The following IQSEC1 variants were observed in gnomAD, a reference collection of about 807,000 sequenced individuals.
IQSEC1 encodes IQ motif and Sec7 domain ArfGEF 1, also known as IQ motif and SEC7 domain-containing protein 1.
Under a neutral mutation model 91.0 loss-of-function variants are expected in IQSEC1, and 31 were observed. That is an observed-to-expected ratio of 0.34 (90% CI 0.26 to 0.46). IQSEC1 has a LOEUF of 0.46. Ranked by LOEUF, IQSEC1 falls within the 20% of genes least tolerant of loss-of-function variation. The probability of loss-of-function intolerance (pLI) is 1.00; values close to 1 mark genes in which losing one functional copy is unlikely to be tolerated. For missense variants in IQSEC1, 1,388 were observed against 1,575.6 expected, an observed-to-expected ratio of 0.88 and a Z score of 2.02; for synonymous variants, 699 against 662.6, an observed-to-expected ratio of 1.05 and a Z score of -0.84.
Position 13,282,285 on chromosome 3 carries a change from C to T in IQSEC1, c.272+426G>A, listed in dbSNP as rs953407885. On this transcript the variant is annotated intron_variant, in intron 1 of 15. Coordinates refer to the IQSEC1 transcript ENST00000648114. This position sits in a 1 kb window ranked among gnomAD's most constrained non-coding sequence, Gnocchi z 6.4. The stretch of plus-strand genomic sequence containing the variant: ...CCCAGGCCCGCTCCAGGGCGGGATC[C>T]GCGCGGCCCGCGACCCCTCCCTACC... Among the ~76,000 whole-genome samples, 2 of 152,218 alleles carry T rather than the reference C, an allele frequency of 1.3e-5. No homozygotes were observed. The highest frequency in any genetic ancestry group is 2.4e-5 in the African/African-American group (1 of 41,466).
chr3:13,123,178 A>C (rs1210990820), intron 2 of IQSEC1, among the ~76,000 whole-genome samples: 2 of 152,266 alleles, frequency 1.3e-5, no homozygotes, highest in Non-Finnish European at 2.9e-5. Context: ...GTTTTGAGAT[A>C]CTTGGCTCAA....
chr3:12,915,819 C>A, intron 6 of IQSEC1, 86 bp from the exon 7 acceptor site: 2 of 1,500,554 alleles, frequency 1.3e-6, no homozygotes, highest in South Asian at 1.2e-5. Context: ...AGGAGCGAAC[C>A]TTCCACTAGA....
chr3:13,195,459 A>G (rs971519515), intron 1 of IQSEC1, among the ~76,000 whole-genome samples: 4 of 152,372 alleles, frequency 2.6e-5, no homozygotes, highest in East Asian at 3.9e-4. Flanking sequence ...TGCAATTACC[A>G]TATGACCCAG....
intron 1 of IQSEC1, among the ~76,000 whole-genome samples, chr3:13,265,600 G>A (rs891974208): frequency 6.6e-6 from 1 of 152,090 alleles, no homozygotes; most frequent in Non-Finnish European, 1.5e-5. Flanking sequence ...GTTCCTCCAG[G>A]TTACCAGGTT....
At chr3:12,901,588 T>G in intron 13 of IQSEC1, 66 bp from the exon 14 acceptor site, 1 of 1,369,218 alleles carries the variant, frequency 7.3e-7, no homozygotes, top group Non-Finnish European at 1.0e-6. Context: ...GAATGATTTT[T>G]TTTTTTCAAA....
chr3:13,129,850 G>A (rs1386333699), intron 2 of IQSEC1, among the ~76,000 whole-genome samples: 1 of 151,518 alleles, frequency 6.6e-6, no homozygotes, highest in African/African-American at 2.4e-5. Flanking sequence ...AGTAGAGACA[G>A]GGTTTCACCG....
At chr3:12,941,541 T>C (rs370077278) in intron 2 of IQSEC1, 30 bp downstream of exon 2, 2 of 1,519,900 alleles carry the variant, frequency 1.3e-6, no homozygotes, top group African/African-American at 2.7e-5. Flanking sequence ...TGCGCTTGCA[T>C]GTGTGGCCTG....
At chr3:12,905,398 G>C (rs896953046) in intron 12 of IQSEC1, among the ~76,000 whole-genome samples, 1 of 152,280 alleles carries the variant, frequency 6.6e-6, no homozygotes, top group Non-Finnish European at 1.5e-5. Context: ...GCCTTGCTCA[G>C]TGTCAGTGAC....
At chr3:13,224,595 T>C (rs1442969531) in intron 1 of IQSEC1, among the ~76,000 whole-genome samples, 1 of 152,136 alleles carries the variant, frequency 6.6e-6, no homozygotes, top group Non-Finnish European at 1.5e-5. Flanking sequence ...CACCAGGGCA[T>C]GTCTTGGGGT....
At chr3:13,239,199 G>A (rs1056995000) in intron 1 of IQSEC1, among the ~76,000 whole-genome samples, 2 of 152,220 alleles carry the variant, frequency 1.3e-5, no homozygotes, top group African/African-American at 2.4e-5. Context: ...TGAGGGCTCC[G>A]GTTTATGCTG....
intron 2 of IQSEC1, among the ~76,000 whole-genome samples, chr3:13,164,099 C>T (rs941725264): frequency 3.9e-5 from 6 of 152,328 alleles, no homozygotes; most frequent in South Asian, 2.1e-4. Flanking sequence ...GGATGAAGCA[C>T]ATACCTGACG....
chr3:12,986,337 C>T (rs558651387), intron 1 of IQSEC1, among the ~76,000 whole-genome samples: 21 of 152,294 alleles, frequency 1.4e-4, no homozygotes, highest in African/African-American at 5.1e-4. Context: ...AGGCAATGTG[C>T]CTTGTCAGAC....
At chr3:12,993,072 C>T (rs1039060821) in intron 1 of IQSEC1, among the ~76,000 whole-genome samples, 2 of 152,094 alleles carry the variant, frequency 1.3e-5, no homozygotes, top group Non-Finnish European at 2.9e-5. Flanking sequence ...CCAACAACAG[C>T]CCCCATTACA....
At chr3:13,049,191 A>G (rs1024655943) in intron 1 of IQSEC1, among the ~76,000 whole-genome samples, 8 of 152,174 alleles carry the variant, frequency 5.3e-5, no homozygotes, top group African/African-American at 1.9e-4. Flanking sequence ...AAGAGGACCC[A>G]GCCCTCCATC....
At chr3:12,948,896 G>A (rs1009316339) in intron 1 of IQSEC1, among the ~76,000 whole-genome samples, 2 of 152,204 alleles carry the variant, frequency 1.3e-5, no homozygotes, top group African/African-American at 4.8e-5. Flanking sequence ...ACTTCTTACG[G>A]AGAGGGCAAA....
chr3:13,130,955 A>C (rs1706603252), intron 2 of IQSEC1, among the ~76,000 whole-genome samples: 1 of 150,692 alleles, frequency 6.6e-6, no homozygotes, highest in African/African-American at 2.4e-5. Context: ...CAATAAAGGA[A>C]GGAAGGAGGG....
intron 2 of IQSEC1, among the ~76,000 whole-genome samples, chr3:12,937,519 G>A (rs560786280): frequency 6.6e-6 from 1 of 152,354 alleles, no homozygotes; most frequent in South Asian, 2.1e-4. Flanking sequence ...TGAGAAGCAG[G>A]CTTTGAGGCC....
At position 12,936,150 on chromosome 3, in the gene IQSEC1, A is replaced by C. The variant is rs1698174776; in HGVS notation, c.866T>G (p.Val289Gly). 5 of 1,612,536 alleles carry C rather than the reference A, an allele frequency of 3.1e-6. No individual in the cohort carries two copies. The highest frequency in any genetic ancestry group is 4.2e-6 in the Non-Finnish European group (5 of 1,179,878). ...LDEMTASYSD[V>G]TLYIDEEELS... ...CTCCTCCTCATCGATGTACAGGGTG[A>C]CATCACTGTACGAGGCCGTCATCTC... The change falls in exon 3 of 14, where the codon GTC becomes GGC. Residue 289 changes from valine to glycine, a missense_variant. Physicochemically the swap from Val to Gly is moderately radical, Grantham distance 109. Coordinates refer to ENST00000613206, the MANE Select transcript of IQSEC1 (RefSeq NM_001134382.3).
intron 13 of IQSEC1, among the ~76,000 whole-genome samples, chr3:12,902,335 G>C (rs1694407521): frequency 6.6e-6 from 1 of 152,100 alleles, no homozygotes; most frequent in East Asian, 1.9e-4. Context: ...AGGATGGGCG[G>C]GCGTGGAAGT....
Sources: allele counts gnomAD v4.1 joint callset (sites outside exome capture counted in the v4.1 genomes callset), GRCh38; gene constraint gnomAD v4.1.1; non-coding constraint Gnocchi (gnomAD v3.1); transcripts MANE v1.5; gene names NCBI Gene and HGNC (gene_info 2026-07-23, HGNC 2026-07-21).